Variants in GSK3B observed in about 807,000 individuals in gnomAD.
The protein encoded by GSK3B is glycogen synthase kinase-3 beta.
In GSK3B, 15 loss-of-function variants were observed where a neutral mutation model predicts 56.4. That is an observed-to-expected ratio of 0.27 (90% CI 0.18 to 0.41). The LOEUF (loss-of-function observed/expected upper bound fraction) is 0.41, where lower values mean the gene tolerates loss of function less well. GSK3B is among the 10% of genes least tolerant of loss of function. The pLI is 1.00. For missense variants in GSK3B, 300 were observed against 513.4 expected, an observed-to-expected ratio of 0.58 and a Z score of 4.02; for synonymous variants, 181 against 188.9, an observed-to-expected ratio of 0.96 and a Z score of 0.34.
intron 8 of GSK3B, chr3:119,866,710 C>T: frequency 1.2e-6 from 1 of 862,562 alleles, no homozygotes; most frequent in South Asian, 1.5e-5. Flanking sequence ...AAAATATATC[C>T]AATGTTATAA....
chr3:120,089,100 G>A (rs951539404), intron 1 of GSK3B, among the ~76,000 whole-genome samples: 8 of 152,168 alleles, frequency 5.3e-5, no homozygotes, highest in South Asian at 2.1e-4. Flanking sequence ...ACAGTAAAGC[G>A]TGCAAGTACT....
chr3:119,948,139 C>T (rs1163960508), intron 2 of GSK3B, among the ~76,000 whole-genome samples: 4 of 152,070 alleles, frequency 2.6e-5, no homozygotes, highest in Admixed American at 2.0e-4. Context: ...AATTACATAA[C>T]ACACAGAAGC....
intron 1 of GSK3B, among the ~76,000 whole-genome samples, chr3:120,073,868 C>T (rs796170252): frequency 1.1e-4 from 17 of 152,024 alleles, no homozygotes; most frequent in African/African-American, 4.1e-4. Flanking sequence ...GAATAGACAA[C>T]CCATGGAGAA....
intron 4 of GSK3B, among the ~76,000 whole-genome samples, chr3:119,917,312 GA>G (rs986664844): frequency 1.6e-4 from 24 of 152,206 alleles, no homozygotes; most frequent in Admixed American, 1.5e-3. Context: ...AAGTTAATGT[GA>G]ACTATTAGCT....
intron 1 of GSK3B, among the ~76,000 whole-genome samples, chr3:120,044,689 A>G (rs1295692366): frequency 6.6e-6 from 1 of 152,228 alleles, no homozygotes; most frequent in African/African-American, 2.4e-5. Flanking sequence ...ATCTATTATA[A>G]TCAGCAGCGA....
chr3:119,966,096 C>A (rs533942247), intron 2 of GSK3B, among the ~76,000 whole-genome samples: 5 of 152,322 alleles, frequency 3.3e-5, no homozygotes, highest in African/African-American at 1.2e-4. Context: ...ATTGCACAGA[C>A]TGTTCATATG....
intron 8 of GSK3B, among the ~76,000 whole-genome samples, chr3:119,865,998 T>A (rs1321354085): frequency 1.3e-5 from 2 of 152,256 alleles, no homozygotes; most frequent in Non-Finnish European, 2.9e-5. Flanking sequence ...TTTAAACCCT[T>A]GAGAGATTCT....
intron 1 of GSK3B, among the ~76,000 whole-genome samples, chr3:120,036,792 C>CAAAAAAAAAA (rs560163237): frequency 1.6e-5 from 1 of 64,336 alleles, no homozygotes; most frequent in African/African-American, 5.6e-5. Flanking sequence ...GACTCCGACT[C>CAAAAAAAAAA]AAAAAAAAAA....
chr3:120,029,885 T>C (rs2057960643), intron 1 of GSK3B: 1 of 548,868 alleles, frequency 1.8e-6, no homozygotes, highest in African/African-American at 1.9e-5. Flanking sequence ...GATTGGACAG[T>C]ACTGGTGTAT....
intron 1 of GSK3B, among the ~76,000 whole-genome samples, chr3:120,043,824 T>G (rs1475813317): frequency 6.6e-6 from 1 of 152,206 alleles, no homozygotes; most frequent in East Asian, 1.9e-4. Flanking sequence ...CCCTATATGC[T>G]TCTTTAAAAT....
intron 1 of GSK3B, among the ~76,000 whole-genome samples, chr3:120,058,991 C>G (rs925289102): frequency 1.5e-5 from 2 of 137,190 alleles, no homozygotes; most frequent in Non-Finnish European, 3.1e-5. Flanking sequence ...GCCTGAGTGG[C>G]AGAGCAAGAC....
At chr3:120,023,549 A>G (rs920926621) in intron 1 of GSK3B, among the ~76,000 whole-genome samples, 6 of 152,144 alleles carry the variant, frequency 3.9e-5, no homozygotes, top group African/African-American at 1.4e-4. Context: ...AATAATATCA[A>G]CAAAAAGCCA....
chr3:120,071,269 T>A (rs1431280585), intron 1 of GSK3B, among the ~76,000 whole-genome samples: 1 of 152,220 alleles, frequency 6.6e-6, no homozygotes, highest in East Asian at 1.9e-4. Flanking sequence ...AGTGCTCATT[T>A]TTATCTACTA....
At chr3:119,933,237 T>C (rs981965943) in intron 3 of GSK3B, among the ~76,000 whole-genome samples, 3 of 152,140 alleles carry the variant, frequency 2.0e-5, no homozygotes, top group African/African-American at 7.2e-5. Context: ...TCTATCAAAC[T>C]AGAAAAGAAA....
chr3:119,842,317 AT>A (rs890727438), intron 10 of GSK3B, among the ~76,000 whole-genome samples: 2 of 151,320 alleles, frequency 1.3e-5, no homozygotes, highest in Non-Finnish European at 3.0e-5. Context: ...CCCGTGAATA[AT>A]TTTTTTTTGG....
intron 1 of GSK3B, among the ~76,000 whole-genome samples, chr3:120,062,203 TTCC>T (rs1393976794): frequency 6.6e-6 from 1 of 152,238 alleles, no homozygotes; most frequent in Non-Finnish European, 1.5e-5. Context: ...ACTGTTTGTA[TTCC>T]TCTTCATGTG....
chr3:119,879,091 A>G (rs913983912), intron 7 of GSK3B, among the ~76,000 whole-genome samples: 10 of 152,198 alleles, frequency 6.6e-5, no homozygotes, highest in African/African-American at 9.7e-5. Context: ...TGTGGAATAT[A>G]TGAGACACTC....
intron 7 of GSK3B, among the ~76,000 whole-genome samples, chr3:119,886,147 A>G (rs1039338486): frequency 6.6e-6 from 1 of 152,162 alleles, no homozygotes; most frequent in Non-Finnish European, 1.5e-5. Context: ...CACAACTGAC[A>G]GAGGTCTCAT....
intron 9 of GSK3B, among the ~76,000 whole-genome samples, chr3:119,849,172 A>G (rs956348512): frequency 1.3e-5 from 2 of 152,226 alleles, no homozygotes; most frequent in Admixed American, 1.3e-4. Context: ...ATTCTCAATT[A>G]AAAGCATCTA....
Sources: gnomAD v4.1 joint callset for allele counts (sites outside exome capture counted in the v4.1 genomes callset) on GRCh38, gnomAD v4.1.1 for gene constraint, MANE v1.5 for transcripts, NCBI Gene and HGNC (gene_info 2026-07-23, HGNC 2026-07-21) for gene names.